COPG2: variants seen among roughly 807,000 people sequenced by gnomAD.
COPG2 encodes coat protein complex I subunit gamma 2, also known as coatomer subunit gamma-2.
In COPG2, 37 loss-of-function variants were observed where a neutral mutation model predicts 46.3. That is an observed-to-expected ratio of 0.80 (90% CI 0.61 to 1.05). The LOEUF is 1.05. COPG2 is among the 50% of genes least tolerant of loss of function. The pLI is 0.00. For missense variants in COPG2, 427 were observed against 387.8 expected (o/e 1.10, Z -0.85); for synonymous variants, 159 against 129.7 (o/e 1.23, Z -1.53).
At chr7:130,621,711 G>A (rs539749344) in intron 5 of COPG2, among the ~76,000 whole-genome samples, 5 of 152,080 alleles carry the variant, frequency 3.3e-5, no homozygotes, top group African/African-American at 7.2e-5. Flanking sequence ...TTGGGAGGCC[G>A]AAGCGGGTGA....
chr7:130,651,530 G>T, intron 5 of COPG2, among the ~76,000 whole-genome samples: 2 of 76,494 alleles, frequency 2.6e-5, no homozygotes, highest in Non-Finnish European at 2.6e-5. Context: ...TTTTTTTTGA[G>T]ACGGAGTCTC....
chr7:130,597,892 C>T (rs1554449881), intron 9 of COPG2, among the ~76,000 whole-genome samples: 1 of 152,088 alleles, frequency 6.6e-6, no homozygotes, highest in Non-Finnish European at 1.5e-5. Context: ...GCTTTGGGAT[C>T]CCAAATGCCT....
chr7:130,618,404 T>C (rs1554453207), intron 5 of COPG2, among the ~76,000 whole-genome samples: 3 of 152,202 alleles, frequency 2.0e-5, no homozygotes, highest in Non-Finnish European at 4.4e-5. Context: ...TTTTTACTTA[T>C]ATACTGTCCC....
In COPG2 at chr7:130,564,403, A is replaced by T; in HGVS notation, c.738-10T>A. On this transcript the variant is annotated splice_polypyrimidine_tract_variant and intron_variant, in intron 9 of 23. Coordinates refer to ENST00000425248, the MANE Select transcript of COPG2 (RefSeq NM_012133.6). ...CAGTGGACTTTCATGGCTGCCAATA[A>T]ATATTTATAGGCCATTATTTAGATA... The T allele has an allele frequency of 2.5e-6, 1 of 398,586 alleles. No homozygotes were observed. Among genetic ancestry groups the T allele is most frequent in the Non-Finnish European group, 4.4e-6 (1 of 226,054 alleles). The allele number at this position is 398,586 out of a possible 1,614,324, so 24.7% of individuals were successfully genotyped here. A position where few individuals can be genotyped will look rare whatever the true frequency, so the allele number is the denominator to read the frequency against.
intron 5 of COPG2, among the ~76,000 whole-genome samples, chr7:130,626,400 AT>A (rs60484682): frequency 0.27 from 32,307 of 120,084 alleles, 3,907 homozygotes; most frequent in African/African-American, 0.41. Context: ...CACCAGGCTA[AT>A]TTTTTTTTTT....
chr7:130,578,908 A>G (rs1240197874), intron 9 of COPG2, among the ~76,000 whole-genome samples: 3 of 149,584 alleles, frequency 2.0e-5, no homozygotes, highest in Non-Finnish European at 4.4e-5. Flanking sequence ...AATGGAACCA[A>G]GTTGGAAAAC....
chr7:130,532,659 G>A (rs1799839400), intron 20 of COPG2, among the ~76,000 whole-genome samples: 1 of 152,152 alleles, frequency 6.6e-6, no homozygotes. Flanking sequence ...AGGCTCCCCA[G>A]AATGTTTCCA....
At chr7:130,553,109 T>C (rs1793558837) in intron 14 of COPG2, among the ~76,000 whole-genome samples, 1 of 152,140 alleles carries the variant, frequency 6.6e-6, no homozygotes, top group Non-Finnish European at 1.5e-5. Context: ...ATAAGAGTAT[T>C]AGAGGCAGAG....
chr7:130,507,552 A>C lies in COPG2; in HGVS notation c.2386+133T>G, dbSNP rs1055276870. ...GGCTGATCAATTAGATGATGAAGAC[A>C]GGGTGCTGGCCTTTTAAGTAAGAGA... On this transcript the variant is annotated intron_variant, in intron 22 of 23. Coordinates refer to ENST00000425248, the MANE Select transcript of COPG2 (RefSeq NM_012133.6). 5 of 655,712 alleles carry C rather than the reference A, an allele frequency of 7.6e-6. No homozygotes were observed. In the Admixed American group the frequency reaches 8.2e-5, roughly 11 times the overall value. 40.6% of individuals were successfully genotyped at this position (655,712 alleles called of 1,614,324 possible).
chr7:130,637,099 G>A (rs1003758528), intron 5 of COPG2, among the ~76,000 whole-genome samples: 2 of 152,228 alleles, frequency 1.3e-5, no homozygotes, highest in Admixed American at 6.5e-5. Context: ...TCCACTGTTA[G>A]TCTGATGGGC....
At chr7:130,554,028 A>G (rs1793576107) in intron 14 of COPG2, among the ~76,000 whole-genome samples, 1 of 152,336 alleles carries the variant, frequency 6.6e-6, no homozygotes, top group Admixed American at 6.5e-5. Flanking sequence ...CAGGCAGCTA[A>G]TAACGGCTAC....
At chr7:130,542,240 T>C (rs1774924428) in intron 20 of COPG2, among the ~76,000 whole-genome samples, 1 of 148,998 alleles carries the variant, frequency 6.7e-6, no homozygotes, top group African/African-American at 2.5e-5. Context: ...GGAGAAAGCA[T>C]GGTGTGGGTA....
intron 5 of COPG2, among the ~76,000 whole-genome samples, chr7:130,620,747 T>G (rs1226065930): frequency 6.6e-6 from 1 of 152,192 alleles, no homozygotes; most frequent in Admixed American, 6.5e-5. Context: ...TTGGGACTTT[T>G]GAGTTATAAT....
chr7:130,623,853 T>G (rs1433991830), intron 5 of COPG2, among the ~76,000 whole-genome samples: 1 of 152,160 alleles, frequency 6.6e-6, no homozygotes, highest in Non-Finnish European at 1.5e-5. Context: ...CAATTTTTTT[T>G]TTCAAAAAAC....
intron 20 of COPG2, among the ~76,000 whole-genome samples, chr7:130,531,930 A>G (rs1202932414): frequency 2.0e-5 from 3 of 152,306 alleles, no homozygotes; most frequent in Admixed American, 6.5e-5. Context: ...TGTTCAGCTC[A>G]GAAAAAGTAA....
rs1239168858 is a variant in COPG2 at position 130,557,834 on chromosome 7, AAAAAT to A, written c.1129-2707_1129-2703del. 4.1e-5 allele frequency among the ~76,000 whole-genome samples: 6 copies of A among 148,028 alleles called. 1 individual carries two copies. The highest frequency in any genetic ancestry group is 2.1e-4 in the South Asian group (1 of 4,660). The stretch of plus-strand genomic sequence containing the variant: ...CTCCATCTCAAAAAAAAAAAAAAAA[AAAAAT>A]CATGCAAGAATAGCCAGGAAAACAA... On this transcript the variant is annotated intron_variant, in intron 12 of 23. Coordinates refer to ENST00000425248, the MANE Select transcript of COPG2 (RefSeq NM_012133.6).
chr7:130,568,986 T>C (rs897927660), intron 9 of COPG2, among the ~76,000 whole-genome samples: 61 of 152,208 alleles, frequency 4.0e-4, no homozygotes, highest in Non-Finnish European at 6.0e-4. Flanking sequence ...GAAATCAAGA[T>C]GGAAATTAAA....
intron 5 of COPG2, among the ~76,000 whole-genome samples, chr7:130,651,666 G>T (rs1055313380): frequency 6.6e-6 from 1 of 151,166 alleles, no homozygotes; most frequent in Admixed American, 6.6e-5. Flanking sequence ...ACAGGCGCCC[G>T]CCACCGCGCC....
At chr7:130,591,172 C>A (rs1243254449) in intron 9 of COPG2, among the ~76,000 whole-genome samples, 4 of 142,698 alleles carry the variant, frequency 2.8e-5, no homozygotes, top group African/African-American at 1.0e-4. Context: ...CGGCCAGCCG[C>A]CCCGTCCGGG....
Sources: gnomAD v4.1 joint callset for allele counts (sites outside exome capture counted in the v4.1 genomes callset) on GRCh38, gnomAD v4.1.1 for gene constraint, MANE v1.5 for transcripts, NCBI Gene and HGNC (gene_info 2026-07-23, HGNC 2026-07-21) for gene names.